The following ZNF7 variants were observed in gnomAD, a reference collection of about 807,000 sequenced individuals.
ZNF7 encodes the protein zinc finger protein 7.
A neutral mutation model predicts 12.0 loss-of-function variants in ZNF7; 10 were observed. That is an observed-to-expected ratio of 0.83 (90% CI 0.51 to 1.42). The LOEUF is 1.42. Among genes scored for constraint, ZNF7 ranks in the 40% most tolerant of loss-of-function variants. The pLI is 0.00. For missense variants in ZNF7, 854 were observed against 837.2 expected, an observed-to-expected ratio of 1.02 and a Z score of -0.25; for synonymous variants, 334 against 295.0, an observed-to-expected ratio of 1.13 and a Z score of -1.35.
downstream of ZNF7, chr8:144,846,497 C>T (rs946466128): frequency 1.6e-5 from 4 of 253,116 alleles, no homozygotes; most frequent in Non-Finnish European, 2.3e-5. Flanking sequence ...GTGTTTACCA[C>T]ACCAGCCAAG....
At chr8:144,840,894 T>C (rs1829807451) in intron 4 of ZNF7, 1 of 156,782 alleles carries the variant, frequency 6.4e-6, no homozygotes, top group African/African-American at 2.4e-5. Flanking sequence ...GTAAGTCCCT[T>C]GGCAGCTCTT....
chr8:144,844,889 A>C (rs1423133819), downstream of ZNF7, among the ~76,000 whole-genome samples: 1 of 151,572 alleles, frequency 6.6e-6, no homozygotes, highest in African/African-American at 2.4e-5. Context: ...AAGAAGGTGG[A>C]GAGGGAGTGG....
chr8:144,836,001 A>G (rs1205373124), intron 3 of ZNF7: 1 of 152,188 alleles, frequency 6.6e-6, no homozygotes, highest in Non-Finnish European at 1.5e-5. Flanking sequence ...TGAACTTACT[A>G]TTTACCTCAT....
At chr8:144,846,378 T>A (rs1190457134), downstream of ZNF7, 9 of 582,770 alleles carry the variant, frequency 1.5e-5, no homozygotes, top group Non-Finnish European at 2.4e-5. Flanking sequence ...AAGAGACTTG[T>A]GACATTTGAA....
At chr8:144,830,517 T>G (rs865851964) in intron 3 of ZNF7, among the ~76,000 whole-genome samples, 10 of 152,358 alleles carry the variant, frequency 6.6e-5, no homozygotes, top group South Asian at 4.1e-4. Context: ...TTTGAAGGTG[T>G]TGTTTCTTCA....
chr8:144,844,709 C>CAAAAAAAAAAAAAAAAAAAA (rs71320849), downstream of ZNF7, among the ~76,000 whole-genome samples: 1 of 88,618 alleles, frequency 1.1e-5, no homozygotes, highest in Non-Finnish European at 2.4e-5. Context: ...GACTCTGTAT[C>CAAAAAAAAAAAAAAAAAAAA]AAAAAAAAAA....
chr8:144,843,181 T>C lies in ZNF7; in HGVS notation c.*13T>C. The C allele has an allele frequency of 6.4e-7, 1 of 1,553,456 alleles. No individual in the cohort carries two copies. On this transcript the variant is annotated 3_prime_UTR_variant, in exon 5 of 5. Transcript: ENST00000532777. ...TCACATGGGATAGACCACTTACATA[T>C]AAATGTGTATATATGTGAATAAACC...
At chr8:144,827,636 C>T (rs1261039352) in intron 1 of ZNF7, 27 bp downstream of exon 1, 12 of 985,392 alleles carry the variant, frequency 1.2e-5, no homozygotes, top group East Asian at 1.1e-4. Flanking sequence ...GGCGCGGACT[C>T]GGGTTGCCCT....
At chr8:144,839,408 C>A (rs924830292) in intron 4 of ZNF7, among the ~76,000 whole-genome samples, 4 of 152,254 alleles carry the variant, frequency 2.6e-5, no homozygotes, top group Non-Finnish European at 5.9e-5. Context: ...CTCAGTCTCC[C>A]TGAGAAGGAG....
At chr8:144,846,247 C>A, downstream of ZNF7, 2 of 1,455,216 alleles carry the variant, frequency 1.4e-6, no homozygotes, top group East Asian at 2.5e-5. Flanking sequence ...CAAAAAGGGG[C>A]TGGGGTGCAA....
At chr8:144,829,388 T>C (rs1366201215) in intron 2 of ZNF7, 90 bp from the exon 3 acceptor site, 14 of 1,589,170 alleles carry the variant, frequency 8.8e-6, no homozygotes, top group Non-Finnish European at 1.1e-5. Context: ...CCCAACCCCA[T>C]GGGGCAGCTG....
downstream of ZNF7, among the ~76,000 whole-genome samples, chr8:144,844,448 C>T (rs565973205): frequency 5.3e-5 from 8 of 152,182 alleles, no homozygotes; most frequent in African/African-American, 7.2e-5. Flanking sequence ...TGGTGGCTCA[C>T]GCCTGTAATC....
downstream of ZNF7, among the ~76,000 whole-genome samples, chr8:144,844,924 TAGGGAG>T (rs1830429358): frequency 6.7e-6 from 1 of 149,192 alleles, no homozygotes; most frequent in Non-Finnish European, 1.5e-5. Flanking sequence ...GGGGAGAACT[TAGGGAG>T]AGGAAGTGGG....
At chr8:144,837,079 C>T (rs1829089849) in intron 3 of ZNF7, 1 of 228,304 alleles carries the variant, frequency 4.4e-6, no homozygotes. Context: ...GCTTGGGCTT[C>T]TCCTTCTCTT....
At chr8:144,839,307 G>A (rs560409390) in intron 4 of ZNF7, among the ~76,000 whole-genome samples, 4 of 152,344 alleles carry the variant, frequency 2.6e-5, no homozygotes, top group Admixed American at 2.0e-4. Context: ...CCTTGCAGCC[G>A]CCCAGGAAGT....
chr8:144,841,522 C>G lies in ZNF7; in HGVS notation c.415C>G (p.Pro139Ala). 1.9e-6 allele frequency: 3 copies of G among 1,614,146 alleles called. No homozygotes were observed. The highest frequency in any genetic ancestry group is 2.5e-6 in the Non-Finnish European group (3 of 1,180,052). Residue 139 changes from proline (P) to alanine (A), a missense_variant, in exon 5 of 5, where the codon CCC becomes GCC. By Grantham distance (27) the Pro-to-Ala change is conservative (BLOSUM62 -1). Coordinates refer to ENST00000532777, the MANE Select transcript of ZNF7 (RefSeq NM_003416.4). Reference sequence around the variant, plus strand: ...CTGGTTAGACAGTCATCTGGGCAGTCCCGGGCTGAAAGTGACAGGCTTTAC... The same window carrying G: ...CTGGTTAGACAGTCATCTGGGCAGTGCCGGGCTGAAAGTGACAGGCTTTAC... ...EVWLDSHLGSPGLKVTGFTFQ... is the reference protein window; with the variant it reads ...EVWLDSHLGSAGLKVTGFTFQ...
At chr8:144,833,661 A>C (rs1828694593) in intron 3 of ZNF7, 1 of 151,906 alleles carries the variant, frequency 6.6e-6, no homozygotes. Context: ...TACAGGTGTG[A>C]GCCACCGTAC....
At chr8:144,838,747 C>T (rs2130646792) in intron 4 of ZNF7, 1 of 152,456 alleles carries the variant, frequency 6.6e-6, no homozygotes, top group African/African-American at 2.4e-5. Context: ...TCGAGACCAT[C>T]CTGGCCAACA....
In ZNF7 at chr8:144,842,008, A is replaced by G; in HGVS notation, c.901A>G (p.Thr301Ala). The G allele has an allele frequency of 6.2e-7, 1 of 1,614,204 alleles. No homozygotes were observed. Among genetic ancestry groups the G allele is most frequent in the Non-Finnish European group, 8.5e-7 (1 of 1,180,038 alleles). ...ACTTATTCAGCATCAAAGAATCCAC[A>G]CTGGGGAGAAGCCCTACAGATGTGA... ...SKLIQHQRIHTGEKPYRCEEC... is the reference protein window; with the variant it reads ...SKLIQHQRIHAGEKPYRCEEC... Residue 301 changes from threonine (T) to alanine (A), a missense_variant, in exon 5 of 5, where the codon ACT becomes GCT. By Grantham distance (58) the Thr-to-Ala change is moderately conservative (BLOSUM62 0). Transcript: ENST00000532777.
Sources: gnomAD v4.1 joint callset for allele counts (sites outside exome capture counted in the v4.1 genomes callset) on GRCh38, gnomAD v4.1.1 for gene constraint, MANE v1.5 for transcripts, NCBI Gene and HGNC (gene_info 2026-07-23, HGNC 2026-07-21) for gene names.